NIPA1: variants seen among roughly 807,000 people sequenced by gnomAD.
The protein encoded by NIPA1 is NIPA magnesium transporter 1, also known as magnesium transporter NIPA1.
Under a neutral mutation model 23.9 loss-of-function variants are expected in NIPA1, and 13 were observed. The observed-to-expected ratio is 0.54, with a 90% CI of 0.35 to 0.87. The LOEUF is 0.87. Ranked by LOEUF, NIPA1 falls within the 40% of genes least tolerant of loss-of-function variation. NIPA1 has a pLI of 0.01. For synonymous variants in NIPA1, 234 were observed against 202.9 expected (o/e 1.15, Z -1.30); for missense variants, 362 against 429.7 (o/e 0.84, Z 1.39).
At chr15:22,806,085 A>T (rs928246769) in intron 1 of NIPA1, among the ~76,000 whole-genome samples, 1 of 151,970 alleles carries the variant, frequency 6.6e-6, no homozygotes, top group Non-Finnish European at 1.5e-5. Flanking sequence ...CACCACGCCC[A>T]GCTAATTTTT....
At chr15:22,786,623 G>T (rs1450604086), upstream of NIPA1, 1 of 893,508 alleles carries the variant, frequency 1.1e-6, no homozygotes, top group Non-Finnish European at 1.4e-6. Context: ...GGCGCGGCGC[G>T]CAGGCGCAGG....
chr15:22,793,758 T>A (rs1238862548), intron 1 of NIPA1, among the ~76,000 whole-genome samples: 1 of 152,202 alleles, frequency 6.6e-6, no homozygotes, highest in Non-Finnish European at 1.5e-5. Flanking sequence ...TGGTGACACA[T>A]AGAGGTCCGG....
chr15:22,805,781 T>G (rs1895194307), intron 1 of NIPA1, among the ~76,000 whole-genome samples: 1 of 152,206 alleles, frequency 6.6e-6, no homozygotes, highest in African/African-American at 2.4e-5. Flanking sequence ...TTGCTTGGCT[T>G]TTATCAGCAA....
chr15:22,813,067 C>A (rs1895350161), intron 3 of NIPA1, among the ~76,000 whole-genome samples: 2 of 152,000 alleles, frequency 1.3e-5, no homozygotes, highest in Non-Finnish European at 2.9e-5. Context: ...CATGGATTTT[C>A]TTAGGAGAAG....
intron 1 of NIPA1, among the ~76,000 whole-genome samples, chr15:22,809,650 C>T (rs986912823): frequency 2.6e-5 from 4 of 150,948 alleles, no homozygotes; most frequent in Non-Finnish European, 5.9e-5. Flanking sequence ...GAGGCTGAGA[C>T]GGGAGAATTG....
intron 3 of NIPA1, among the ~76,000 whole-genome samples, chr15:22,818,267 T>A (rs1244646331): frequency 2.6e-5 from 4 of 151,004 alleles, no homozygotes; most frequent in Non-Finnish European, 5.9e-5. Context: ...TAAAACTCCG[T>A]CTCTACTAAA....
chr15:22,792,910 C>T (rs7182147), intron 1 of NIPA1, among the ~76,000 whole-genome samples: 16,050 of 151,808 alleles, frequency 0.11, 950 homozygotes, highest in South Asian at 0.19. Flanking sequence ...GGCTAGATTG[C>T]GCCATTGCGC....
intron 3 of NIPA1, among the ~76,000 whole-genome samples, chr15:22,816,553 G>A (rs1225941886): frequency 1.5e-5 from 2 of 133,168 alleles, no homozygotes; most frequent in African/African-American, 5.7e-5. Flanking sequence ...GTGCAGTGGT[G>A]TGCTGTCGGC....
intron 3 of NIPA1, chr15:22,814,016 A>G: frequency 2.6e-6 from 2 of 771,188 alleles, no homozygotes; most frequent in Non-Finnish European, 3.9e-6. Flanking sequence ...ATTTCCTTAG[A>G]ACTGTTCTCA....
rs149797999 is a variant in NIPA1 at position 22,789,209 on chromosome 15, G to A, written c.178+2375G>A. Among the ~76,000 whole-genome samples, 299 of 152,026 alleles carry A rather than the reference G, an allele frequency of 2.0e-3. 3 individuals carry two copies. The highest frequency in any genetic ancestry group is 2.9e-3 in the Non-Finnish European group (198 of 67,980). On this transcript the variant is annotated intron_variant, in intron 1 of 4. Coordinates refer to ENST00000337435, the MANE Select transcript of NIPA1 (RefSeq NM_144599.5). ...TCATCATGTTGGCCAGGATGGTCCC[G>A]AACTCCAGACCTCAGGTGATCTGCC...
intron 1 of NIPA1, among the ~76,000 whole-genome samples, chr15:22,805,115 CA>C (rs1321444352): frequency 2.0e-5 from 3 of 152,060 alleles, no homozygotes; most frequent in Non-Finnish European, 4.4e-5. Flanking sequence ...GCTGGGATTA[CA>C]GGCGTGAGCC....
chr15:22,813,454 T>C (rs1357604577), intron 3 of NIPA1, among the ~76,000 whole-genome samples: 1 of 152,188 alleles, frequency 6.6e-6, no homozygotes, highest in Non-Finnish European at 1.5e-5. Context: ...CTGGACTCTC[T>C]GTTTACTTAC....
chr15:22,793,602 G>A (rs1302455025), intron 1 of NIPA1, among the ~76,000 whole-genome samples: 13 of 151,678 alleles, frequency 8.6e-5, no homozygotes, highest in South Asian at 4.2e-4. Context: ...CACCATGCCC[G>A]GCTAATTTTC....
Position 22,820,436 on chromosome 15 carries a change from A to C in NIPA1, c.441A>C (p.Thr147=). The change falls in exon 4 of 5, where the codon ACA becomes ACC. Residue 147 remains threonine (T), a synonymous_variant. Transcript: ENST00000337435. ...ACTCCCCAAAGTCTGAGAGTGTGAC[A>C]ACTCAGGCTGAGCTGGAGGAAAAGC... ...IIHSPKSESV[T]TQAELEEKLT... is the part of the protein sequence containing the mutation. 2 of 1,612,844 alleles carry C rather than the reference A, an allele frequency of 1.2e-6. No individual in the cohort carries two copies. Among genetic ancestry groups the C allele is most frequent in the Non-Finnish European group, 1.7e-6 (2 of 1,178,984 alleles).
chr15:22,800,998 C>T (rs370252653), intron 1 of NIPA1, among the ~76,000 whole-genome samples: 19 of 148,876 alleles, frequency 1.3e-4, no homozygotes, highest in African/African-American at 4.0e-4. Flanking sequence ...CCCAGCTACT[C>T]GGGAGGCTGA....
intron 1 of NIPA1, among the ~76,000 whole-genome samples, chr15:22,806,080 C>T (rs567382169): frequency 1.2e-4 from 18 of 152,230 alleles, no homozygotes; most frequent in African/African-American, 2.9e-4. Context: ...CCCGCCACCA[C>T]GCCCAGCTAA....
intron 1 of NIPA1, among the ~76,000 whole-genome samples, chr15:22,807,795 T>C (rs1208253294): frequency 4.0e-5 from 6 of 151,684 alleles, no homozygotes; most frequent in Admixed American, 6.6e-5. Context: ...TGTGTGTGTG[T>C]GTGTGTGTGA....
At chr15:22,807,977 G>T (rs1020247404) in intron 1 of NIPA1, among the ~76,000 whole-genome samples, 26 of 151,872 alleles carry the variant, frequency 1.7e-4, no homozygotes, top group Non-Finnish European at 2.9e-5. Flanking sequence ...TTTTAGTAGA[G>T]ACGGGGTTTC....
chr15:22,816,176 TG>T (rs1895411403), intron 3 of NIPA1, among the ~76,000 whole-genome samples: 1 of 136,178 alleles, frequency 7.3e-6, no homozygotes, highest in African/African-American at 2.7e-5. Flanking sequence ...GCAGAAGACC[TG>T]ATTTTTTTTT....
Sources: allele counts gnomAD v4.1 joint callset (sites outside exome capture counted in the v4.1 genomes callset), GRCh38; gene constraint gnomAD v4.1.1; transcripts MANE v1.5; gene names NCBI Gene and HGNC (gene_info 2026-07-23, HGNC 2026-07-21).